Variants in SCAF11 observed in about 807,000 individuals in gnomAD.
The protein encoded by SCAF11 is protein SCAF11.
Under a neutral mutation model 140.5 loss-of-function variants are expected in SCAF11, and 47 were observed. The ratio of observed to expected loss-of-function variants is 0.33; its 90% CI spans 0.26 to 0.43. The LOEUF (loss-of-function observed/expected upper bound fraction) is 0.43. SCAF11 is among the 20% of genes least tolerant of loss of function. The probability of loss-of-function intolerance (pLI) is 1.00; values close to 1 mark genes in which losing one functional copy is unlikely to be tolerated. For missense variants in SCAF11, 1,645 were observed against 1,705.1 expected, an observed-to-expected ratio of 0.96 and a Z score of 0.62; for synonymous variants, 557 against 579.4, an observed-to-expected ratio of 0.96 and a Z score of 0.55.
chr12:45,977,761 C>T (rs184671145), intron 1 of SCAF11, among the ~76,000 whole-genome samples: 9 of 152,190 alleles, frequency 5.9e-5, no homozygotes, highest in Admixed American at 5.2e-4. Context: ...ACAAGATGAG[C>T]TTGGGAGGGG....
intron 3 of SCAF11, among the ~76,000 whole-genome samples, chr12:45,959,298 A>G (rs1945769825): frequency 6.6e-6 from 1 of 152,128 alleles, no homozygotes; most frequent in African/African-American, 2.4e-5. Context: ...GTGAACATGC[A>G]TAAAATTGTA....
chr12:45,930,892 T>C (rs1450382874), intron 10 of SCAF11: 3 of 152,222 alleles, frequency 2.0e-5, no homozygotes, highest in Non-Finnish European at 4.4e-5. Flanking sequence ...TTTTCAGTGT[T>C]GCAAATCTCC....
At chr12:45,944,358 CGTTT>C (rs745473533) in intron 6 of SCAF11, among the ~76,000 whole-genome samples, 1 of 152,136 alleles carries the variant, frequency 6.6e-6, no homozygotes, top group Non-Finnish European at 1.5e-5. Context: ...AAAGGCAGAA[CGTTT>C]GTTAATCTGT....
In SCAF11 at chr12:45,950,956, G is replaced by A. The variant is rs563176073; in HGVS notation, c.297+694C>T. On this transcript the variant is annotated intron_variant, in intron 4 of 14. Coordinates refer to ENST00000369367, the MANE Select transcript of SCAF11 (RefSeq NM_004719.3). ...TTTAGCTATTTTTCATTCATGACTT[G>A]GTAGTGATACATCAAGAAATCTTTC... 2.5e-4 allele frequency among the ~76,000 whole-genome samples: 38 copies of A among 151,952 alleles called. 1 individual carries two copies. Among genetic ancestry groups the A allele is most frequent in the Admixed American group, 1.4e-3 (22 of 15,240 alleles).
Position 45,928,314 on chromosome 12 carries a change from T to A in SCAF11, c.1387A>T (p.Asn463Tyr), listed in dbSNP as rs199654082. The A allele has an allele frequency of 6.2e-7, 1 of 1,613,994 alleles. No homozygotes were observed. Among genetic ancestry groups the A allele is most frequent in the East Asian group, 2.2e-5 (1 of 44,876 alleles). The change falls in exon 11 of 15, where the codon AAT (asparagine) becomes TAT (tyrosine). Residue 463 changes from asparagine to tyrosine, a missense_variant. This residue lies in a region of SCAF11 where 1,582 missense variants were observed against 1,609.2 expected (regional missense o/e 0.98). Transcript: ENST00000369367. Reference sequence around the variant, plus strand: ...CCTACTCTTTCCTCTGTATCATAATTTGCAGTATGCTTCTCACTTTCTTCT... The same window carrying A: ...CCTACTCTTTCCTCTGTATCATAATATGCAGTATGCTTCTCACTTTCTTCT... The part of the protein sequence containing the change: ...QIEESEKHTA[N>Y]YDTEERVGSS...
At chr12:45,938,852 CATTAA>C (rs1347972088) in intron 6 of SCAF11, among the ~76,000 whole-genome samples, 4 of 148,586 alleles carry the variant, frequency 2.7e-5, no homozygotes, top group Non-Finnish European at 1.5e-5. Flanking sequence ...AGAAGTACTA[CATTAA>C]GAAATGCCTG....
intron 4 of SCAF11, 39 bp downstream of exon 4, chr12:45,951,611 A>T: frequency 7.5e-7 from 1 of 1,334,228 alleles, no homozygotes; most frequent in Non-Finnish European, 1.0e-6. Flanking sequence ...GCTTCAATTA[A>T]TTTTTATATA....
At chr12:45,984,317 A>C (rs974902434) in intron 1 of SCAF11, among the ~76,000 whole-genome samples, 16 of 151,824 alleles carry the variant, frequency 1.1e-4, no homozygotes, top group Non-Finnish European at 2.1e-4. Flanking sequence ...ATTTTTTTTC[A>C]GATGTAGTTT....
At chr12:45,949,220 C>T (rs1002503660) in intron 4 of SCAF11, among the ~76,000 whole-genome samples, 1 of 152,230 alleles carries the variant, frequency 6.6e-6, no homozygotes, top group African/African-American at 2.4e-5. Context: ...TAGACTAGAT[C>T]TATGCTGTCC....
At chr12:45,975,448 G>A (rs771076477) in intron 1 of SCAF11, 1 of 155,544 alleles carries the variant, frequency 6.4e-6, no homozygotes, top group African/African-American at 2.4e-5. Context: ...AGGTCTTCTG[G>A]ATAACCTGAT....
chr12:45,933,230 G>A lies in SCAF11; in HGVS notation c.635C>T (p.Thr212Ile). The A allele has an allele frequency of 6.2e-7, 1 of 1,600,322 alleles. No individual in the cohort carries two copies. The highest frequency in any genetic ancestry group is 8.5e-7 in the Non-Finnish European group (1 of 1,171,640). ...GATTTCACTGGCTTCTATAAATTCT[G>A]TACTAAAAGATAAATTTTAGACCTT... Reference protein sequence around the residue: ...ESSFTYRAYCTEFIEASEISA... With the variant: ...ESSFTYRAYCIEFIEASEISA... The change falls in exon 9 of 15, where the codon ACA (threonine) becomes ATA (isoleucine). Residue 212 changes from threonine (T) to isoleucine (I), a missense_variant and splice_region_variant. Transcript: ENST00000369367.
In SCAF11 at chr12:45,926,162, T is replaced by G; in HGVS notation, c.3539A>C (p.Glu1180Ala). ...SGPQSGWMKQ[E>A]EETSGQDSSL... ...ATTACCCTGTCCAGATGTTTCCTCC[T>G]CTTGTTTCATCCATCCAGACTGTGG... The change falls in exon 11 of 15, where the codon GAG (glutamate) becomes GCG (alanine). Residue 1180 changes from glutamate (E) to alanine (A), a missense_variant. This residue lies in a region of SCAF11 where 1,582 missense variants were observed against 1,609.2 expected (regional missense o/e 0.98). Transcript: ENST00000369367. 1 of 1,609,782 alleles carries G rather than the reference T, an allele frequency of 6.2e-7. No homozygotes were observed. The highest frequency in any genetic ancestry group is 8.5e-7 in the Non-Finnish European group (1 of 1,176,140).
chr12:45,930,000 A>T (rs996423569), intron 10 of SCAF11: 2 of 150,040 alleles, frequency 1.3e-5, no homozygotes, highest in Admixed American at 6.6e-5. Flanking sequence ...GAATTAATAT[A>T]TTTTTTATGT....
intron 1 of SCAF11, among the ~76,000 whole-genome samples, chr12:45,984,356 T>G (rs922053260): frequency 2.6e-5 from 4 of 152,200 alleles, no homozygotes; most frequent in African/African-American, 9.6e-5. Flanking sequence ...GATATTTCCT[T>G]ATGGTTAGAT....
At chr12:45,925,913 T>C (rs963213687) in intron 11 of SCAF11, among the ~76,000 whole-genome samples, 5 of 152,116 alleles carry the variant, frequency 3.3e-5, no homozygotes, top group African/African-American at 9.7e-5. Flanking sequence ...GTGCTGAAAA[T>C]ATTTAAGTCT....
rs1288428943 is a variant in SCAF11, at chr12:45,928,480, A to G, written c.1221T>C (p.Asp407=). ...PEKSSSNDSV[D]EETAESDTSP... ...ATGTGTCAGATTCTGCTGTTTCTTC[A>G]TCTACTGAATCATTGGAAGATGATT... Residue 407 remains aspartate (D), a synonymous_variant, in exon 11 of 15, where the codon GAT becomes GAC. Coordinates refer to ENST00000369367, the MANE Select transcript of SCAF11 (RefSeq NM_004719.3). 6.2e-7 allele frequency: 1 copy of G among 1,613,134 alleles called. No homozygotes were observed. Among genetic ancestry groups the G allele is most frequent in the East Asian group, 2.2e-5 (1 of 44,862 alleles).
intron 3 of SCAF11, chr12:45,953,835 G>A: frequency 1.1e-6 from 1 of 899,694 alleles, no homozygotes; most frequent in South Asian, 1.4e-5. Flanking sequence ...TACCTCTAAG[G>A]TTTTTATGGG....
intron 2 of SCAF11, among the ~76,000 whole-genome samples, chr12:45,963,643 T>C (rs1945874566): frequency 6.6e-6 from 1 of 152,122 alleles, no homozygotes; most frequent in South Asian, 2.1e-4. Context: ...AAACATTGCA[T>C]AAAACATCAT....
chr12:45,961,707 C>T lies in SCAF11; in HGVS notation c.212G>A (p.Trp71Ter). The T allele has an allele frequency of 6.2e-7, 1 of 1,609,892 alleles. No individual in the cohort carries two copies. The highest frequency in any genetic ancestry group is 8.5e-7 in the Non-Finnish European group (1 of 1,178,226). The stretch of plus-strand genomic sequence containing the variant: ...TTAATGTGTCAGACTTACCTCTGCC[C>T]ATTTAAGAATACAAGTCATACAGAA... ...HVFCMTCILK[W>*]AETLASCPID... Residue 71 changes from tryptophan to a stop codon, truncating the protein, a stop_gained, in exon 3 of 15, where the codon TGG (tryptophan) becomes TAG (stop). Coordinates refer to ENST00000369367, the MANE Select transcript of SCAF11 (RefSeq NM_004719.3). LOFTEE classifies it high-confidence loss of function.
Sources: gnomAD v4.1 joint callset for allele counts (sites outside exome capture counted in the v4.1 genomes callset) on GRCh38, gnomAD v4.1.1 for gene constraint, gnomAD v4.1.1 regional missense constraint, MANE v1.5 for transcripts, NCBI Gene and HGNC (gene_info 2026-07-23, HGNC 2026-07-21) for gene names.